The following PTPRK variants were observed in gnomAD, a reference collection of about 807,000 sequenced individuals.
PTPRK encodes protein tyrosine phosphatase receptor type K.
Under a neutral mutation model 178.0 loss-of-function variants are expected in PTPRK, and 75 were observed. The observed-to-expected ratio is 0.42, with a 90% CI of 0.35 to 0.51. The LOEUF (loss-of-function observed/expected upper bound fraction) is 0.51, where lower values mean the gene tolerates loss of function less well. PTPRK is among the 20% of genes least tolerant of loss of function. PTPRK has a pLI of 0.02. For missense variants in PTPRK, 1,441 were observed against 1,797.8 expected (o/e 0.80, Z 3.59); for synonymous variants, 637 against 620.6 (o/e 1.03, Z -0.39).
chr6:128,324,734 G>A (rs1432560877), intron 2 of PTPRK, among the ~76,000 whole-genome samples: 3 of 152,064 alleles, frequency 2.0e-5, no homozygotes, highest in Non-Finnish European at 4.4e-5. Flanking sequence ...GAAAGCACTA[G>A]CACCAAAAAG....
intron 6 of PTPRK, among the ~76,000 whole-genome samples, chr6:128,207,969 C>T (rs886225994): frequency 1.6e-4 from 24 of 151,964 alleles, no homozygotes; most frequent in Admixed American, 3.9e-4. Flanking sequence ...AAAATGTTCT[C>T]GGTGGCAGAT....
At chr6:128,085,712 T>C (rs1343865488) in intron 8 of PTPRK, among the ~76,000 whole-genome samples, 1 of 152,252 alleles carries the variant, frequency 6.6e-6, no homozygotes, top group Non-Finnish European at 1.5e-5. Context: ...TGTATTTCTA[T>C]GCTCTTACAG....
chr6:128,434,327 T>TC (rs1165874237), intron 1 of PTPRK, among the ~76,000 whole-genome samples: 28 of 152,166 alleles, frequency 1.8e-4, no homozygotes, highest in African/African-American at 6.8e-4. Flanking sequence ...TATGGAACTT[T>TC]CCTAAATGAG....
chr6:128,228,415 G>C (rs1392375112), intron 5 of PTPRK, among the ~76,000 whole-genome samples: 1 of 151,240 alleles, frequency 6.6e-6, no homozygotes, highest in African/African-American at 2.4e-5. Flanking sequence ...GGGAGGCCGA[G>C]GCAGGTTGAT....
At chr6:128,114,461 T>C (rs1160866625) in intron 7 of PTPRK, among the ~76,000 whole-genome samples, 1 of 151,358 alleles carries the variant, frequency 6.6e-6, no homozygotes, top group African/African-American at 2.4e-5. Flanking sequence ...CTAGTAAAAA[T>C]ACAAAACAAT....
chr6:128,431,051 G>C (rs182626078), intron 1 of PTPRK, among the ~76,000 whole-genome samples: 148 of 150,130 alleles, frequency 9.9e-4, no homozygotes, highest in African/African-American at 3.3e-3. Flanking sequence ...CAGTTGTCCT[G>C]CCTCAGCCTT....
chr6:128,308,697 G>C (rs1179275544), intron 3 of PTPRK, among the ~76,000 whole-genome samples: 1 of 152,092 alleles, frequency 6.6e-6, no homozygotes, highest in African/African-American at 2.4e-5. Flanking sequence ...CAAGTTATGA[G>C]ACAATTTGAA....
chr6:127,990,576 C>CGA (rs1318430734), intron 21 of PTPRK, among the ~76,000 whole-genome samples, 193 bp downstream of exon 21: 1 of 152,016 alleles, frequency 6.6e-6, no homozygotes, highest in Non-Finnish European at 1.5e-5. Context: ...AAGATCCACA[C>CGA]GAGGCGATTT....
At chr6:128,446,047 G>GA (rs1221638764) in intron 1 of PTPRK, among the ~76,000 whole-genome samples, 342 of 141,352 alleles carry the variant, frequency 2.4e-3, no homozygotes, top group East Asian at 9.1e-3. Flanking sequence ...AAGAGAAAAA[G>GA]AAAAAAAAAA....
At chr6:128,371,075 G>C (rs1380237926) in intron 2 of PTPRK, among the ~76,000 whole-genome samples, 1 of 152,054 alleles carries the variant, frequency 6.6e-6, no homozygotes, top group East Asian at 1.9e-4. Context: ...ACTGAATACA[G>C]AGAAATACTA....
intron 1 of PTPRK, among the ~76,000 whole-genome samples, chr6:128,426,743 A>G (rs2128390701): frequency 6.6e-6 from 1 of 152,360 alleles, no homozygotes; most frequent in East Asian, 1.9e-4. Context: ...TTTGGCGGGA[A>G]AAGTGAAACA....
chr6:128,512,656 A>T (rs988066879), intron 1 of PTPRK, among the ~76,000 whole-genome samples: 1 of 152,236 alleles, frequency 6.6e-6, no homozygotes, highest in African/African-American at 2.4e-5. Context: ...GCAAGCTATA[A>T]AATGCAAGTA....
At chr6:128,105,121 C>G (rs1377163392) in intron 7 of PTPRK, among the ~76,000 whole-genome samples, 2 of 151,414 alleles carry the variant, frequency 1.3e-5, no homozygotes, top group East Asian at 1.9e-4. Flanking sequence ...CGTATTACCT[C>G]ACTTATTTCT....
chr6:128,241,170 C>T (rs561443572), intron 4 of PTPRK: 6 of 505,732 alleles, frequency 1.2e-5, no homozygotes, highest in East Asian at 5.7e-5. Context: ...CCAACCACCA[C>T]GTGGTATATA....
chr6:128,350,503 G>A (rs1832980656), intron 2 of PTPRK, among the ~76,000 whole-genome samples: 1 of 152,190 alleles, frequency 6.6e-6, no homozygotes, highest in Admixed American at 6.5e-5. Context: ...AACGACCACT[G>A]ATAGAATCCA....
At chr6:128,257,228 CAA>C (rs748718428) in intron 3 of PTPRK, among the ~76,000 whole-genome samples, 32 of 120,840 alleles carry the variant, frequency 2.6e-4, no homozygotes, top group Admixed American at 7.6e-4. Flanking sequence ...AAACTCCATC[CAA>C]AAAAAAAAAA....
intron 1 of PTPRK, among the ~76,000 whole-genome samples, chr6:128,406,608 C>A (rs1302944109): frequency 6.6e-6 from 1 of 152,160 alleles, no homozygotes; most frequent in Non-Finnish European, 1.5e-5. Context: ...CAAACACAAG[C>A]AAATCATTTT....
intron 3 of PTPRK, among the ~76,000 whole-genome samples, chr6:128,256,197 G>C (rs961766304): frequency 1.3e-5 from 2 of 152,122 alleles, no homozygotes; most frequent in African/African-American, 4.8e-5. Flanking sequence ...ATAAAGCAGA[G>C]TTAGAACGCT....
At chr6:128,457,623 C>T (rs1848556456) in intron 1 of PTPRK, among the ~76,000 whole-genome samples, 1 of 152,092 alleles carries the variant, frequency 6.6e-6, no homozygotes, top group East Asian at 1.9e-4. Flanking sequence ...AATACAAAGA[C>T]CAAATTCTTT....
Sources: gnomAD v4.1 joint callset for allele counts (sites outside exome capture counted in the v4.1 genomes callset) on GRCh38, gnomAD v4.1.1 for gene constraint, MANE v1.5 for transcripts, NCBI Gene and HGNC (gene_info 2026-07-23, HGNC 2026-07-21) for gene names.